SYNE2: variants seen among roughly 807,000 people sequenced by gnomAD.
SYNE2 encodes spectrin repeat containing nuclear envelope protein 2.
A neutral mutation model predicts 856.3 loss-of-function variants in SYNE2; 431 were observed. That is an observed-to-expected ratio of 0.50 (90% CI 0.47 to 0.55). The LOEUF (loss-of-function observed/expected upper bound fraction) is 0.55. Ranked by LOEUF, SYNE2 falls within the 20% of genes least tolerant of loss-of-function variation. The pLI is 0.00. For synonymous variants in SYNE2, 2,923 were observed against 2,872.3 expected, an observed-to-expected ratio of 1.02 and a Z score of -0.56; for missense variants, 8,129 against 8,023.2, an observed-to-expected ratio of 1.01 and a Z score of -0.50.
At chr14:63,884,367 G>A (rs1195852745) in intron 1 of SYNE2, among the ~76,000 whole-genome samples, 5 of 152,130 alleles carry the variant, frequency 3.3e-5, no homozygotes, top group African/African-American at 7.2e-5. Context: ...GATTCTATCC[G>A]TCCATCTGTC....
chr14:63,809,410 C>G (rs7148088), intron 1 of SYNE2, among the ~76,000 whole-genome samples: 96,259 of 152,052 alleles, frequency 0.63, 30,935 homozygotes, highest in South Asian at 0.77. Flanking sequence ...TTTTATTGTT[C>G]TTTTGGTTAA....
At chr14:64,057,400 C>T (rs2097280810) in intron 49 of SYNE2, among the ~76,000 whole-genome samples, 1 of 152,078 alleles carries the variant, frequency 6.6e-6, no homozygotes, top group Non-Finnish European at 1.5e-5. Context: ...TGGCTTATTT[C>T]ACTTAACATA....
chr14:64,007,899 A>G (rs2037504404), intron 31 of SYNE2, among the ~76,000 whole-genome samples: 1 of 152,054 alleles, frequency 6.6e-6, no homozygotes, highest in South Asian at 2.1e-4. Context: ...AGTCCCAGCT[A>G]CTCAGGAGGC....
At position 63,872,247 on chromosome 14, in the gene SYNE2, G is replaced by A. The variant is rs551879459; in HGVS notation, c.-52+19104G>A. On this transcript the variant is annotated intron_variant, in intron 1 of 115. Coordinates refer to ENST00000555002, the MANE Select transcript of SYNE2 (RefSeq NM_182914.3). Reference sequence around the variant, plus strand: ...AGTTCGAGACCATCTTGGCTAACATGGTGAAACCCTGTCTCTACTAAAAAT... The same window carrying A: ...AGTTCGAGACCATCTTGGCTAACATAGTGAAACCCTGTCTCTACTAAAAAT... 6.6e-5 allele frequency among the ~76,000 whole-genome samples: 10 copies of A among 151,952 alleles called. No individual in the cohort carries two copies. In the East Asian group the frequency reaches 1.9e-3, roughly 29 times the overall value.
At chr14:64,151,521 AAAAAAAG>A (rs1390475144) in intron 84 of SYNE2, among the ~76,000 whole-genome samples, 5 of 148,550 alleles carry the variant, frequency 3.4e-5, no homozygotes, top group Non-Finnish European at 4.5e-5. Flanking sequence ...CAAAAAAAAA[AAAAAAAG>A]GCTGGGATCC....
At chr14:63,984,147 G>T (rs1032995918) in intron 18 of SYNE2, among the ~76,000 whole-genome samples, 6 of 152,170 alleles carry the variant, frequency 3.9e-5, no homozygotes, top group Non-Finnish European at 7.3e-5. Flanking sequence ...GCAGGCTGAG[G>T]TGGGAGGATT....
intron 99 of SYNE2, chr14:64,202,189 G>A (rs909040245): frequency 1.9e-5 from 13 of 702,122 alleles, no homozygotes; most frequent in East Asian, 1.6e-4. Flanking sequence ...CCTTTTAGAC[G>A]GACAGAGATG....
intron 2 of SYNE2, among the ~76,000 whole-genome samples, chr14:63,919,007 C>T (rs2095565305): frequency 6.6e-6 from 1 of 152,152 alleles, no homozygotes; most frequent in African/African-American, 2.4e-5. Flanking sequence ...TTGATGTCTT[C>T]AAAATAGCAT....
At chr14:63,771,066 CTTTTTTT>C (rs770101693) in intron 1 of SYNE2, among the ~76,000 whole-genome samples, 22 of 116,328 alleles carry the variant, frequency 1.9e-4, no homozygotes, top group Admixed American at 4.8e-4. Flanking sequence ...CTTATACACT[CTTTTTTT>C]TTTTTTTTTT....
intron 1 of SYNE2, among the ~76,000 whole-genome samples, chr14:63,834,356 C>A (rs894529696): frequency 6.6e-6 from 1 of 151,900 alleles, no homozygotes; most frequent in Non-Finnish European, 1.5e-5. Flanking sequence ...CAGTGAGACT[C>A]CATCTCAGAA....
At chr14:64,129,999 G>T in intron 75 of SYNE2, 49 bp from the exon 76 acceptor site, 2 of 1,613,206 alleles carry the variant, frequency 1.2e-6, no homozygotes, top group Non-Finnish European at 1.7e-6. Context: ...TTCAGTTATT[G>T]CCCCGGTTGG....
chr14:63,964,753 A>G (rs1167939028), intron 10 of SYNE2, among the ~76,000 whole-genome samples: 1 of 151,816 alleles, frequency 6.6e-6, no homozygotes, highest in Non-Finnish European at 1.5e-5. Context: ...CGAACTCCTG[A>G]CCTCAGGTGA....
intron 65 of SYNE2, among the ~76,000 whole-genome samples, chr14:64,112,617 A>C (rs1465077726): frequency 6.6e-6 from 1 of 152,210 alleles, no homozygotes; most frequent in Admixed American, 6.5e-5. Context: ...AAAAGAACAC[A>C]CCACACTTTC....
intron 1 of SYNE2, among the ~76,000 whole-genome samples, chr14:63,893,912 T>G (rs1566733124): frequency 6.6e-6 from 1 of 152,188 alleles, no homozygotes; most frequent in South Asian, 2.1e-4. Flanking sequence ...AGCTAGGCGA[T>G]GGGAGTCAAG....
chr14:64,172,118 T>A (rs902622469), intron 94 of SYNE2, among the ~76,000 whole-genome samples: 14 of 152,364 alleles, frequency 9.2e-5, no homozygotes, highest in African/African-American at 3.1e-4. Context: ...CCCAAAGTGC[T>A]GGGATTACAG....
Position 63,961,572 on chromosome 14 carries a change from G to C in SYNE2, c.835G>C (p.Ala279Pro). The C allele has an allele frequency of 6.2e-7, 1 of 1,614,054 alleles. No homozygotes were observed. Among genetic ancestry groups the C allele is most frequent in the Non-Finnish European group, 8.5e-7 (1 of 1,179,972 alleles). ...TGAAAAGTCCATCATGACCTATGTG[G>C]CACAGTTTCTGCAGTATTCCAAAGA... ...PDEKSIMTYV[A>P]QFLQYSKDAP... The change falls in exon 9 of 116, where the codon GCA becomes CCA. Residue 279 changes from alanine to proline, a missense_variant. Transcript: ENST00000555002.
chr14:63,984,182 G>A (rs2096607601), intron 18 of SYNE2, among the ~76,000 whole-genome samples: 1 of 152,128 alleles, frequency 6.6e-6, no homozygotes, highest in East Asian at 1.9e-4. Context: ...GCTGGAAGTT[G>A]AAAGTGAGGC....
At chr14:63,842,946 G>A (rs1394662880) in intron 1 of SYNE2, among the ~76,000 whole-genome samples, 1 of 151,810 alleles carries the variant, frequency 6.6e-6, no homozygotes, top group Non-Finnish European at 1.5e-5. Flanking sequence ...CTTTTTTGTT[G>A]CTTTTGTCAA....
At chr14:63,887,827 A>T (rs1232411804) in intron 1 of SYNE2, among the ~76,000 whole-genome samples, 1 of 137,654 alleles carries the variant, frequency 7.3e-6, no homozygotes, top group Non-Finnish European at 1.5e-5. Flanking sequence ...ATCTTGGCTC[A>T]CTACAGCTTC....
Sources: allele counts gnomAD v4.1 joint callset (sites outside exome capture counted in the v4.1 genomes callset), GRCh38; gene constraint gnomAD v4.1.1; transcripts MANE v1.5; gene names NCBI Gene and HGNC (gene_info 2026-07-23, HGNC 2026-07-21).